Variants in RCOR3 observed in about 807,000 individuals in gnomAD.
RCOR3 encodes the protein REST corepressor 3.
Under a neutral mutation model 64.1 loss-of-function variants are expected in RCOR3, and 13 were observed. The observed-to-expected ratio is 0.20, with a 90% CI of 0.13 to 0.32. RCOR3 has a LOEUF of 0.32. Among genes scored for constraint, RCOR3 ranks in the 10% least tolerant of loss-of-function variants. The pLI, the probability that RCOR3 is intolerant of heterozygous loss-of-function variation, is 1.00. For missense variants in RCOR3, 489 were observed against 701.2 expected (o/e 0.70, Z 3.42); for synonymous variants, 215 against 239.0 (o/e 0.90, Z 0.93).
At chr1:211,304,775 C>T (rs977637509) in intron 10 of RCOR3, among the ~76,000 whole-genome samples, 4 of 152,122 alleles carry the variant, frequency 2.6e-5, no homozygotes, top group Non-Finnish European at 4.4e-5. Context: ...TATGAATACC[C>T]ATGGGCAAAT....
chr1:211,294,586 CTTTTTTTTTTTTTTTT>C (rs35962546), intron 8 of RCOR3, among the ~76,000 whole-genome samples: 1 of 88,030 alleles, frequency 1.1e-5, no homozygotes, highest in Non-Finnish European at 2.2e-5. Context: ...TTCTTTCTTT[CTTTTTTTTTTTTTTTT>C]TTTTTGAGAC....
chr1:211,266,185 G>A (rs116584134), intron 2 of RCOR3, among the ~76,000 whole-genome samples: 4,267 of 152,160 alleles, frequency 0.028, 79 homozygotes, highest in South Asian at 0.073. Flanking sequence ...TACATATTAA[G>A]TATATAATTT....
At chr1:211,286,988 T>G (rs1483345267) in intron 7 of RCOR3, among the ~76,000 whole-genome samples, 1 of 152,236 alleles carries the variant, frequency 6.6e-6, no homozygotes, top group Non-Finnish European at 1.5e-5. Context: ...TTTTGAGACC[T>G]GGGTTTAAAG....
chr1:211,259,383 G>A lies in RCOR3; in HGVS notation c.-178G>A. On this transcript the variant is annotated 5_prime_UTR_variant, in exon 1 of 12. Coordinates refer to ENST00000419091, the MANE Select transcript of RCOR3 (RefSeq NM_001136223.3). The stretch of plus-strand genomic sequence containing the variant: ...CGGGGCGGGTTGTTGTGAGGCGACT[G>A]CGCTACTGCCGGAGCGGGGCGGTTA... The A allele has an allele frequency of 1.7e-6, 1 of 585,974 alleles. No individual in the cohort carries two copies. The highest frequency in any genetic ancestry group is 2.9e-6 in the Non-Finnish European group (1 of 341,270). The allele number at this position is 585,974 out of a possible 1,614,324, so 36.3% of individuals were successfully genotyped here.
intron 7 of RCOR3, among the ~76,000 whole-genome samples, chr1:211,281,204 C>T (rs775110734): frequency 1.7e-4 from 26 of 152,140 alleles, no homozygotes; most frequent in Admixed American, 2.6e-4. Context: ...TGCTCCCTTC[C>T]TGAAAAGCTG....
At chr1:211,308,684 GTTTTTT>G (rs71585833) in intron 10 of RCOR3, among the ~76,000 whole-genome samples, 2 of 42,038 alleles carry the variant, frequency 4.8e-5, no homozygotes, top group Non-Finnish European at 9.7e-5. Context: ...TTTTTTTTTT[GTTTTTT>G]TTTTTTTTTG....
Position 211,271,100 on chromosome 1 carries a change from G to T in RCOR3, c.224-132G>T, listed in dbSNP as rs190152689. The T allele has an allele frequency of 8.6e-6, 5 of 583,928 alleles. No homozygotes were observed. The South Asian group carries it at 1.0e-4, about 12-fold the overall frequency. 36.2% of individuals were successfully genotyped at this position (583,928 alleles called of 1,614,324 possible). ...TCTCGATCTCCTGACCTTGTGATCC[G>T]CCTGCCTCGGCCTCCCAAAGTACTG... On this transcript the variant is annotated intron_variant, in intron 2 of 11. Coordinates refer to ENST00000419091, the MANE Select transcript of RCOR3 (RefSeq NM_001136223.3).
chr1:211,267,037 TAAAG>T (rs1445614517), intron 2 of RCOR3, among the ~76,000 whole-genome samples: 1 of 152,174 alleles, frequency 6.6e-6, no homozygotes, highest in African/African-American at 2.4e-5. Context: ...CTTTTTAGGA[TAAAG>T]AAGGAAGGAA....
At chr1:211,260,052 T>A in intron 1 of RCOR3, 56 bp from the exon 2 acceptor site, 1 of 1,508,794 alleles carries the variant, frequency 6.6e-7, no homozygotes, top group Non-Finnish European at 8.8e-7. Context: ...CTCTTCCTTT[T>A]TCTTTCTTTT....
intron 7 of RCOR3, among the ~76,000 whole-genome samples, chr1:211,281,200 C>G (rs1206635115): frequency 6.6e-6 from 1 of 152,092 alleles, no homozygotes; most frequent in Non-Finnish European, 1.5e-5. Flanking sequence ...TGACTGCTCC[C>G]TTCCTGAAAA....
In RCOR3 at chr1:211,279,286, T is replaced by G. The variant is rs1697443306; in HGVS notation, c.690T>G (p.Asp230Glu). The G allele has an allele frequency of 1.9e-6, 3 of 1,612,820 alleles. No individual in the cohort carries two copies. The highest frequency in any genetic ancestry group is 2.5e-6 in the Non-Finnish European group (3 of 1,179,274). ...ATCCAATGGATGGGAATGATAGTGATTATGATCCCAAAAAAGAAGCCAAAA... is the reference window on the plus strand; with the variant it reads ...ATCCAATGGATGGGAATGATAGTGAGTATGATCCCAAAAAAGAAGCCAAAA... ...ETHPMDGNDS[D>E]YDPKKEAKKE... The change falls in exon 7 of 12, where the codon GAT becomes GAG. Residue 230 changes from aspartate (D) to glutamate (E), a missense_variant. This residue lies in a region of RCOR3 where 402 missense variants were observed against 617.0 expected (regional missense o/e 0.65). Transcript: ENST00000419091.
intron 8 of RCOR3, chr1:211,291,627 G>A (rs1190672579): frequency 2.2e-6 from 1 of 450,326 alleles, no homozygotes. Flanking sequence ...GTATAGTGTG[G>A]GATCAAGATT....
intron 10 of RCOR3, among the ~76,000 whole-genome samples, chr1:211,308,673 G>GTTTT (rs545513442): frequency 2.5e-3 from 103 of 40,394 alleles, no homozygotes; most frequent in East Asian, 9.5e-3. Context: ...TTTTTTTTTT[G>GTTTT]TTTTTTTTTT....
chr1:211,261,093 C>T (rs1323292027), intron 2 of RCOR3: 1 of 152,198 alleles, frequency 6.6e-6, no homozygotes, highest in East Asian at 1.9e-4. Context: ...GAAAGGGACC[C>T]ACCTTTTTTT....
intron 10 of RCOR3, among the ~76,000 whole-genome samples, chr1:211,308,686 T>G (rs1558111643): frequency 1.5e-5 from 1 of 66,746 alleles, no homozygotes; most frequent in African/African-American, 5.1e-5. Flanking sequence ...TTTTTTTTGT[T>G]TTTTTTTTTT....
intron 5 of RCOR3, 55 bp downstream of exon 5, chr1:211,276,473 T>C (rs1696967939): frequency 7.3e-7 from 1 of 1,376,382 alleles, no homozygotes; most frequent in East Asian, 2.3e-5. Context: ...CTTAAGCTAC[T>C]ATTAAACACT....
At chr1:211,275,586 G>A (rs1046920662) in intron 4 of RCOR3, among the ~76,000 whole-genome samples, 3 of 152,054 alleles carry the variant, frequency 2.0e-5, no homozygotes, top group African/African-American at 7.2e-5. Flanking sequence ...AAAGAGAAAG[G>A]CCTACTAAAA....
chr1:211,298,170 A>C (rs1350183400), intron 9 of RCOR3, among the ~76,000 whole-genome samples: 1 of 152,232 alleles, frequency 6.6e-6, no homozygotes, highest in African/African-American at 2.4e-5. Context: ...TTTAAAAAAA[A>C]AGAACTTGCA....
intron 2 of RCOR3, among the ~76,000 whole-genome samples, chr1:211,260,523 C>G (rs973846329): frequency 6.6e-6 from 1 of 152,204 alleles, no homozygotes; most frequent in Admixed American, 6.5e-5. Context: ...ATGGACGAAC[C>G]GTGCAAATGT....
Sources: gnomAD v4.1 joint callset for allele counts (sites outside exome capture counted in the v4.1 genomes callset) on GRCh38, gnomAD v4.1.1 for gene constraint, gnomAD v4.1.1 regional missense constraint, MANE v1.5 for transcripts, NCBI Gene and HGNC (gene_info 2026-07-23, HGNC 2026-07-21) for gene names.